NBPF3: variants seen among roughly 807,000 people sequenced by gnomAD.
NBPF3 encodes the protein NBPF member 3.
A neutral mutation model predicts 78.1 loss-of-function variants in NBPF3; 57 were observed. That is an observed-to-expected ratio of 0.73 (90% confidence interval 0.59 to 0.91). The LOEUF (loss-of-function observed/expected upper bound fraction) is 0.91, where lower values mean the gene tolerates loss of function less well. Ranked by LOEUF, NBPF3 falls within the 40% of genes least tolerant of loss-of-function variation. The probability of loss-of-function intolerance (pLI) is 0.00; values close to 1 mark genes in which losing one functional copy is unlikely to be tolerated. For synonymous variants in NBPF3, 182 were observed against 271.7 expected (o/e 0.67, Z 3.25); for missense variants, 510 against 715.3 (o/e 0.71, Z 3.27).
chr1:21,464,703 AAAAG>A (rs1286854855), intron 2 of NBPF3, among the ~76,000 whole-genome samples: 1 of 151,620 alleles, frequency 6.6e-6, no homozygotes, highest in African/African-American at 2.4e-5. Flanking sequence ...TTAAAAAAAA[AAAAG>A]AAAGTAAAAG....
intron 10 of NBPF3, 71 bp from the exon 11 acceptor site, chr1:21,479,980 A>G: frequency 2.4e-6 from 2 of 824,518 alleles, no homozygotes; most frequent in African/African-American, 1.7e-5. Context: ...TATGTTACCC[A>G]TGAAATCTAG....
intron 2 of NBPF3, among the ~76,000 whole-genome samples, chr1:21,463,547 T>A (rs1642074020): frequency 6.6e-6 from 1 of 152,204 alleles, no homozygotes; most frequent in Non-Finnish European, 1.5e-5. Flanking sequence ...GGTACAAATC[T>A]TTGTGACTTT....
chr1:21,447,503 A>G (rs551981155), intron 2 of NBPF3, among the ~76,000 whole-genome samples: 2 of 152,322 alleles, frequency 1.3e-5, no homozygotes, highest in African/African-American at 4.8e-5. Flanking sequence ...TTGGAATGGT[A>G]CAGGATGTGG....
intron 2 of NBPF3, among the ~76,000 whole-genome samples, chr1:21,456,185 G>T (rs971971105): frequency 6.6e-6 from 1 of 152,142 alleles, no homozygotes; most frequent in African/African-American, 2.4e-5. Context: ...CAAAGTGATC[G>T]ATCAGACAGT....
intron 2 of NBPF3, among the ~76,000 whole-genome samples, chr1:21,455,713 G>T (rs547714636): frequency 6.6e-6 from 1 of 152,210 alleles, no homozygotes; most frequent in East Asian, 1.9e-4. Flanking sequence ...GCACCAATGA[G>T]GAGACAGCTG....
At position 21,473,362 on chromosome 1, in the gene NBPF3, T is replaced by C. The variant is rs115522380; in HGVS notation, c.735-18T>C. On this transcript the variant is annotated intron_variant, in intron 6 of 14. Transcript: ENST00000318249. ...TGTGTTTAGTCTTCTGTCATCTCTA[T>C]CCCACCTGGCTCATCAGGGAGGTGC... 1.3e-3 allele frequency: 2,023 copies of C among 1,612,080 alleles called. 23 individuals are homozygous for C. In the African/African-American group the frequency reaches 0.024, roughly 19 times the overall value.
chr1:21,466,946 G>A, intron 2 of NBPF3: 1 of 970,004 alleles, frequency 1.0e-6, no homozygotes, highest in African/African-American at 1.8e-5. Flanking sequence ...GAATTATATG[G>A]ATCCTATGAA....
chr1:21,470,828 C>T (rs1205989696), intron 4 of NBPF3, 94 bp downstream of exon 4: 6 of 752,962 alleles, frequency 8.0e-6, no homozygotes, highest in Admixed American at 2.1e-5. Flanking sequence ...TGAACTGGGC[C>T]AGGGGAAGGG....
intron 2 of NBPF3, among the ~76,000 whole-genome samples, chr1:21,451,192 A>G (rs1416197166): frequency 3.9e-5 from 6 of 152,232 alleles, no homozygotes; most frequent in Non-Finnish European, 8.8e-5. Flanking sequence ...ATTCCATGGA[A>G]TGAATGTATC....
chr1:21,451,247 T>C (rs1035595416), intron 2 of NBPF3, among the ~76,000 whole-genome samples: 23 of 152,246 alleles, frequency 1.5e-4, no homozygotes, highest in African/African-American at 2.4e-5. Flanking sequence ...CTTGAATGTT[T>C]CCAGTTTTTC....
At chr1:21,480,625 A>T (rs867316502) in intron 11 of NBPF3, among the ~76,000 whole-genome samples, 1 of 152,312 alleles carries the variant, frequency 6.6e-6, no homozygotes, top group South Asian at 2.1e-4. Context: ...TCCTCCTAGA[A>T]ATCATCTGGG....
intron 2 of NBPF3, among the ~76,000 whole-genome samples, chr1:21,447,845 C>T (rs1405142359): frequency 6.6e-6 from 1 of 152,142 alleles, no homozygotes; most frequent in Non-Finnish European, 1.5e-5. Context: ...GAATTTTAGC[C>T]ATTCTAATAC....
chr1:21,438,398 C>T (rs1300275088), upstream of NBPF3, among the ~76,000 whole-genome samples: 1 of 152,202 alleles, frequency 6.6e-6, no homozygotes, highest in Non-Finnish European at 1.5e-5. Flanking sequence ...ACAGGTTGAG[C>T]CACTGTGCCC....
intron 8 of NBPF3, among the ~76,000 whole-genome samples, chr1:21,477,241 A>G (rs7527672): frequency 0.73 from 110,832 of 152,026 alleles, 41,180 homozygotes; most frequent in South Asian, 0.9. Flanking sequence ...TTAGCTCGGA[A>G]AAGTTTATTA....
intron 3 of NBPF3, among the ~76,000 whole-genome samples, chr1:21,470,081 C>T (rs1268573450): frequency 6.6e-6 from 1 of 152,188 alleles, no homozygotes; most frequent in Admixed American, 6.5e-5. Context: ...AGTATTCGGG[C>T]AGATTTCCTT....
upstream of NBPF3, among the ~76,000 whole-genome samples, chr1:21,437,217 T>G (rs1188595532): frequency 3.4e-5 from 5 of 149,172 alleles, no homozygotes. Context: ...AGTCTGAGAG[T>G]GGAACCAGGA....
intron 2 of NBPF3, among the ~76,000 whole-genome samples, chr1:21,456,120 C>T (rs1345675516): frequency 6.6e-6 from 1 of 152,196 alleles, no homozygotes; most frequent in East Asian, 1.9e-4. Flanking sequence ...TTGGGAAATT[C>T]TGTGGGCTTT....
Position 21,468,703 on chromosome 1 carries a change from C to G in NBPF3, c.149C>G (p.Ser50Cys), listed in dbSNP as rs1642412129. The change falls in exon 3 of 15, where the codon TCT (serine) becomes TGT (cysteine). Residue 50 changes from serine to cysteine, a missense_variant. Around this residue, in one of 5 missense-constraint regions of NBPF3, gnomAD observed 440 missense variants for 478.2 expected, o/e 0.92. Transcript: ENST00000318249. ...LRDPTVPGPT[S>C]SATNVSMVVS... is the part of the protein sequence containing the mutation. ...TTCTCCCCAGTCCCTGGCCCCACCT[C>G]TTCTGCCACAAACGTCAGCATGGTG... The G allele has an allele frequency of 6.2e-7, 1 of 1,613,358 alleles. No individual in the cohort carries two copies. The highest frequency in any genetic ancestry group is 8.5e-7 in the Non-Finnish European group (1 of 1,179,342).
rs1163978050 is a variant in NBPF3, at chr1:21,484,492, G to A, written c.*1106G>A. 12 of 92,206 alleles carry A rather than the reference G, an allele frequency of 1.3e-4. No homozygotes were observed. The highest frequency in any genetic ancestry group is 7.3e-4 in the South Asian group (1 of 1,374). The allele number at this position is 92,206 out of a possible 1,614,324, so 5.7% of individuals were successfully genotyped here. On this transcript the variant is annotated 3_prime_UTR_variant, in exon 15 of 15. Coordinates refer to ENST00000318249, the MANE Select transcript of NBPF3 (RefSeq NM_032264.6). ...GTTTCATCAAGAACACTACAGAGTC[G>A]ATACTGTGAGTTTCCAACCTCAGCC...
Sources: allele counts gnomAD v4.1 joint callset (sites outside exome capture counted in the v4.1 genomes callset), GRCh38; gene constraint gnomAD v4.1.1; regional missense constraint gnomAD v4.1.1; transcripts MANE v1.5; gene names NCBI Gene and HGNC (gene_info 2026-07-23, HGNC 2026-07-21).